MYZAP: variants seen among roughly 807,000 people sequenced by gnomAD.
The protein encoded by MYZAP is GRINL1A complex locus upstream.
Under a neutral mutation model 69.4 loss-of-function variants are expected in MYZAP, and 66 were observed. The ratio of observed to expected loss-of-function variants is 0.95; its 90% CI spans 0.78 to 1.17. The LOEUF is 1.17. Ranked by LOEUF, MYZAP falls within the 50% of genes most tolerant of loss-of-function variation. The pLI, the probability that MYZAP is intolerant of heterozygous loss-of-function variation, is 0.00. For missense variants in MYZAP, 611 were observed against 556.2 expected, an observed-to-expected ratio of 1.10 and a Z score of -0.99; for synonymous variants, 256 against 205.9, an observed-to-expected ratio of 1.24 and a Z score of -2.09.
chr15:57,661,802 G>A (rs2038323003), intron 11 of MYZAP, among the ~76,000 whole-genome samples: 1 of 152,120 alleles, frequency 6.6e-6, no homozygotes, highest in South Asian at 2.1e-4. Context: ...ATAAGCTGTT[G>A]ATTAGCACTG....
chr15:57,679,892 C>T (rs548198638), intron 12 of MYZAP, among the ~76,000 whole-genome samples: 179 of 152,306 alleles, frequency 1.2e-3, no homozygotes, highest in Non-Finnish European at 2.1e-3. Flanking sequence ...GTTTCATGGC[C>T]GAGTGCGCCA....
At position 57,660,001 on chromosome 15, in the gene MYZAP, A is replaced by G. The variant is rs79258307; in HGVS notation, c.1120-1449A>G. Among the ~76,000 whole-genome samples the G allele has an allele frequency of 4.3e-3, 656 of 152,288 alleles. 7 individuals carry two copies. The highest frequency in any genetic ancestry group is 0.015 in the African/African-American group (607 of 41,570). ...CATGTGTCCCCACCTGTTTTACATCAAAGCGAGTATACTGTCTACCTTGCC... is the reference window on the plus strand; with the variant it reads ...CATGTGTCCCCACCTGTTTTACATCGAAGCGAGTATACTGTCTACCTTGCC... On this transcript the variant is annotated intron_variant, in intron 10 of 12. Transcript: ENST00000267853.
chr15:57,667,967 T>A (rs1394027092), intron 11 of MYZAP, among the ~76,000 whole-genome samples: 1 of 152,088 alleles, frequency 6.6e-6, no homozygotes, highest in Non-Finnish European at 1.5e-5. Context: ...AGATGGTGAG[T>A]CACTTTTTAT....
chr15:57,619,014 T>G (rs535569452), intron 3 of MYZAP, among the ~76,000 whole-genome samples: 5 of 152,324 alleles, frequency 3.3e-5, no homozygotes, highest in Non-Finnish European at 7.3e-5. Flanking sequence ...TCCAGCTCTG[T>G]GTCTGGCCCA....
At position 57,639,437 on chromosome 15, in the gene MYZAP, T is replaced by A. The variant is rs774685366; in HGVS notation, c.1014-3T>A. 1 of 1,613,786 alleles carries A rather than the reference T, an allele frequency of 6.2e-7. No individual in the cohort carries two copies. The highest frequency in any genetic ancestry group is 8.5e-7 in the Non-Finnish European group (1 of 1,179,926). On this transcript the variant is annotated splice_region_variant and splice_polypyrimidine_tract_variant and intron_variant, in intron 9 of 12. Coordinates refer to ENST00000267853, the MANE Select transcript of MYZAP (RefSeq NM_001018100.5). Reference sequence around the variant, plus strand: ...ATTTGCTTTTTTCTCCTATTTGTGTTAGGTATCAGCAGTTGGAGGAGGCAT... The same window carrying A: ...ATTTGCTTTTTTCTCCTATTTGTGTAAGGTATCAGCAGTTGGAGGAGGCAT...
intron 1 of MYZAP, among the ~76,000 whole-genome samples, chr15:57,593,943 T>C (rs1336717395): frequency 6.6e-6 from 1 of 152,162 alleles, no homozygotes; most frequent in African/African-American, 2.4e-5. Flanking sequence ...TCATAAACCT[T>C]TCTCTGTGTG....
At chr15:57,611,488 C>G (rs1204172934) in intron 2 of MYZAP, among the ~76,000 whole-genome samples, 1 of 152,078 alleles carries the variant, frequency 6.6e-6, no homozygotes, top group Non-Finnish European at 1.5e-5. Context: ...GCCTAAGCAA[C>G]TATTGTCTGC....
chr15:57,647,529 C>G (rs2037504157), intron 10 of MYZAP: 2 of 985,290 alleles, frequency 2.0e-6, no homozygotes, highest in South Asian at 9.4e-5. Flanking sequence ...ATGCAATGAC[C>G]TTTAGAGAAA....
chr15:57,664,555 C>T (rs910977201), intron 11 of MYZAP, among the ~76,000 whole-genome samples: 6 of 152,192 alleles, frequency 3.9e-5, no homozygotes, highest in Admixed American at 1.3e-4. Context: ...CTCTACGGCA[C>T]GGATGCTAAG....
At chr15:57,593,049 G>A (rs973002671) in intron 1 of MYZAP, among the ~76,000 whole-genome samples, 1 of 152,152 alleles carries the variant, frequency 6.6e-6, no homozygotes, top group South Asian at 2.1e-4. Flanking sequence ...TGCCTTAAGC[G>A]AGTGATGGTG....
At chr15:57,622,751 C>G (rs1005509223) in intron 4 of MYZAP, among the ~76,000 whole-genome samples, 2 of 151,978 alleles carry the variant, frequency 1.3e-5, no homozygotes, top group East Asian at 3.9e-4. Context: ...CCCAAAAGTG[C>G]CAGAAGAAAA....
chr15:57,675,156 G>A (rs2039057472), intron 12 of MYZAP, 88 bp downstream of exon 12: 6 of 1,168,914 alleles, frequency 5.1e-6, no homozygotes, highest in South Asian at 1.5e-5. Context: ...TAGCAGAATT[G>A]CATTCTTCCT....
chr15:57,633,505 C>G (rs2036628621), intron 7 of MYZAP, 108 bp from the exon 8 acceptor site: 1 of 1,383,024 alleles, frequency 7.2e-7, no homozygotes. Context: ...GTTCCAAGGT[C>G]ATGTTTTAAA....
intron 10 of MYZAP, among the ~76,000 whole-genome samples, chr15:57,653,402 C>A (rs1317688646): frequency 6.6e-6 from 1 of 152,056 alleles, no homozygotes; most frequent in Non-Finnish European, 1.5e-5. Flanking sequence ...CTAGAGCTCA[C>A]TCAGGCTTCA....
chr15:57,647,267 A>G, intron 10 of MYZAP: 1 of 985,368 alleles, frequency 1.0e-6, no homozygotes, highest in Non-Finnish European at 1.2e-6. Context: ...AATATTGTTC[A>G]CCTGTGCACG....
intron 12 of MYZAP, among the ~76,000 whole-genome samples, chr15:57,678,483 T>C (rs2039255905): frequency 6.6e-6 from 1 of 152,236 alleles, no homozygotes; most frequent in South Asian, 2.1e-4. Context: ...TCTGATTTTC[T>C]ATGTAGAACA....
intron 11 of MYZAP, among the ~76,000 whole-genome samples, chr15:57,672,999 T>C (rs2038940558): frequency 6.6e-6 from 1 of 152,216 alleles, no homozygotes; most frequent in South Asian, 2.1e-4. Flanking sequence ...TCATGCCATA[T>C]TTCTTTAACT....
At chr15:57,639,193 G>A (rs1045050845) in intron 9 of MYZAP, among the ~76,000 whole-genome samples, 1 of 150,618 alleles carries the variant, frequency 6.6e-6, no homozygotes, top group Non-Finnish European at 1.5e-5. Context: ...AAAGATACAT[G>A]TTTTCTATTT....
At chr15:57,683,977 A>G (rs2039564361) in intron 12 of MYZAP, among the ~76,000 whole-genome samples, 1 of 152,132 alleles carries the variant, frequency 6.6e-6, no homozygotes, top group African/African-American at 2.4e-5. Context: ...TATTTTTAGT[A>G]GAGACAGAGT....
Sources: allele counts gnomAD v4.1 joint callset (sites outside exome capture counted in the v4.1 genomes callset), GRCh38; gene constraint gnomAD v4.1.1; transcripts MANE v1.5; gene names NCBI Gene and HGNC (gene_info 2026-07-23, HGNC 2026-07-21).